Variants in SLC38A9 observed in about 807,000 individuals in gnomAD.
SLC38A9 encodes the protein neutral amino acid transporter 9.
Under a neutral mutation model 62.3 loss-of-function variants are expected in SLC38A9, and 48 were observed. The ratio of observed to expected loss-of-function variants is 0.77; its 90% CI spans 0.61 to 0.98. The LOEUF (loss-of-function observed/expected upper bound fraction) is 0.98. Ranked by LOEUF, SLC38A9 falls within the 50% of genes least tolerant of loss-of-function variation. The probability of loss-of-function intolerance (pLI) is 0.00; values close to 1 mark genes in which losing one functional copy is unlikely to be tolerated. For synonymous variants in SLC38A9, 204 were observed against 227.7 expected (o/e 0.90, Z 0.94); for missense variants, 541 against 679.8 (o/e 0.80, Z 2.27).
chr5:55,694,114 G>T (rs1755101783), intron 3 of SLC38A9: 1 of 180,746 alleles, frequency 5.5e-6, no homozygotes, highest in East Asian at 1.5e-4. Flanking sequence ...AGGCTGAAGT[G>T]GGAGGACTGC....
chr5:55,674,186 C>T (rs530865251), intron 3 of SLC38A9, among the ~76,000 whole-genome samples: 35 of 152,246 alleles, frequency 2.3e-4, no homozygotes, highest in Middle Eastern at 3.4e-3. Flanking sequence ...TTGTTCTCTA[C>T]CGCAAAACCT....
chr5:55,681,638 G>C (rs1160919265), intron 3 of SLC38A9, among the ~76,000 whole-genome samples: 2 of 152,114 alleles, frequency 1.3e-5, no homozygotes, highest in Non-Finnish European at 2.9e-5. Context: ...GAACTGTGGG[G>C]GTAGACTGAA....
At chr5:55,697,705 C>A in intron 3 of SLC38A9, 141 bp downstream of exon 3, 1 of 334,668 alleles carries the variant, frequency 3.0e-6, no homozygotes, top group Non-Finnish European at 5.3e-6. Context: ...TTCCTATTTA[C>A]TTCTCTCCAC....
At chr5:55,696,709 C>CACCT (rs1755837736) in intron 3 of SLC38A9, 1 of 33,474 alleles carries the variant, frequency 3.0e-5, no homozygotes, top group Non-Finnish European at 9.2e-5. Context: ...GCTGACCCCC[C>CACCT]CACCTCCCTC....
chr5:55,651,328 G>A (rs1392472667), intron 10 of SLC38A9, among the ~76,000 whole-genome samples: 1 of 142,822 alleles, frequency 7.0e-6, no homozygotes, highest in Non-Finnish European at 1.5e-5. Flanking sequence ...TTGGCTCACT[G>A]CAACCTCCAC....
chr5:55,709,877 C>T (rs2150749775), intron 2 of SLC38A9, among the ~76,000 whole-genome samples: 2 of 151,698 alleles, frequency 1.3e-5, no homozygotes, highest in Non-Finnish European at 2.9e-5. Flanking sequence ...CCATCCTGGC[C>T]AACATGGTGA....
intron 3 of SLC38A9, among the ~76,000 whole-genome samples, chr5:55,687,420 C>T (rs1187759820): frequency 2.2e-5 from 2 of 92,850 alleles, no homozygotes; most frequent in African/African-American, 4.8e-5. Context: ...GAACGAGACT[C>T]CGTCTCAAAA....
At chr5:55,653,618 T>C (rs1747906008) in intron 9 of SLC38A9, among the ~76,000 whole-genome samples, 2 of 151,682 alleles carry the variant, frequency 1.3e-5, no homozygotes, top group African/African-American at 4.8e-5. Flanking sequence ...AGCCTAAGAG[T>C]CCAGATGGTA....
chr5:55,638,133 T>C (rs905121781), intron 12 of SLC38A9, among the ~76,000 whole-genome samples: 4 of 152,220 alleles, frequency 2.6e-5, no homozygotes, highest in African/African-American at 9.6e-5. Context: ...GAGCTGCATA[T>C]GTGTTTTCAT....
chr5:55,629,789 C>T (rs1312752096), intron 14 of SLC38A9, among the ~76,000 whole-genome samples: 2 of 152,138 alleles, frequency 1.3e-5, no homozygotes, highest in African/African-American at 4.8e-5. Flanking sequence ...CAAATAAAAA[C>T]TAGAATTTTG....
chr5:55,652,772 AAAC>A, intron 9 of SLC38A9, 49 bp from the exon 10 acceptor site: 1 of 1,491,120 alleles, frequency 6.7e-7, no homozygotes, highest in Non-Finnish European at 9.1e-7. Flanking sequence ...AAACAAAACA[AAAC>A]AAAACAAAAA....
At position 55,649,292 on chromosome 5, in the gene SLC38A9, C is replaced by T. The variant is rs78130726; in HGVS notation, c.975G>A (p.Leu325=). ...CAGCCTTAAAGGTGACAAGGAAAATCAAATAAAGGACAGACACTGTGCCTG... is the reference window on the plus strand; with the variant it reads ...CAGCCTTAAAGGTGACAAGGAAAATTAAATAAAGGACAGACACTGTGCCTG... ...NILGTVSVLY[L]IFLVTFKAVR... is the part of the protein sequence containing the mutation. The change falls in exon 11 of 16, where the codon TTG becomes TTA. Residue 325 remains leucine (L), a synonymous_variant. Transcript: ENST00000396865. 19 of 1,606,202 alleles carry T rather than the reference C, an allele frequency of 1.2e-5. No homozygotes were observed. The highest frequency in any genetic ancestry group is 1.6e-5 in the Non-Finnish European group (19 of 1,176,698).
Position 55,626,287 on chromosome 5 carries a change from G to T in SLC38A9, c.*207C>A. On this transcript the variant is annotated 3_prime_UTR_variant, in exon 16 of 16. Coordinates refer to ENST00000396865, the MANE Select transcript of SLC38A9 (RefSeq NM_173514.4). ...AAAGAGGTGAGTTAATATGAGAAAGGTAAAGACACTAAGATCATTCTTTTT... is the reference window on the plus strand; with the variant it reads ...AAAGAGGTGAGTTAATATGAGAAAGTTAAAGACACTAAGATCATTCTTTTT... 1 of 457,208 alleles carries T rather than the reference G, an allele frequency of 2.2e-6. No individual in the cohort carries two copies. The highest frequency in any genetic ancestry group is 3.4e-5 in the East Asian group (1 of 29,412). 28.3% of individuals were successfully genotyped at this position (457,208 alleles called of 1,614,324 possible).
intron 3 of SLC38A9, chr5:55,693,120 C>T (rs1193120866): frequency 4.0e-6 from 2 of 495,208 alleles, no homozygotes; most frequent in Non-Finnish European, 2.6e-6. Flanking sequence ...GGTAGGGTTG[C>T]TGATTAATTG....
At chr5:55,673,273 A>G (rs1315690062) in intron 3 of SLC38A9, 1 of 152,214 alleles carries the variant, frequency 6.6e-6, no homozygotes, top group East Asian at 1.9e-4. Context: ...ATTTTGCCTC[A>G]TTCTACTTTT....
intron 3 of SLC38A9, among the ~76,000 whole-genome samples, chr5:55,690,300 G>A (rs12186609): frequency 0.6 from 91,121 of 151,944 alleles, 27,912 homozygotes; most frequent in South Asian, 0.7. Context: ...CCTGTATTTA[G>A]ATTTAAGGCA....
intron 1 of SLC38A9, among the ~76,000 whole-genome samples, chr5:55,711,856 A>G (rs1758091405): frequency 6.6e-6 from 1 of 151,200 alleles, no homozygotes; most frequent in East Asian, 1.9e-4. Flanking sequence ...CAATTCTCCT[A>G]CTCCCTCCTT....
At chr5:55,695,244 G>C (rs1402300131) in intron 3 of SLC38A9, among the ~76,000 whole-genome samples, 1 of 149,788 alleles carries the variant, frequency 6.7e-6, no homozygotes, top group African/African-American at 2.5e-5. Flanking sequence ...CTCTCATATA[G>C]ATTTTACACA....
intron 2 of SLC38A9, among the ~76,000 whole-genome samples, chr5:55,706,153 T>C (rs907971997): frequency 6.6e-6 from 1 of 152,172 alleles, no homozygotes; most frequent in Non-Finnish European, 1.5e-5. Flanking sequence ...AAATTTTTTG[T>C]CTCAAGGCTC....
Sources: gnomAD v4.1 joint callset for allele counts (sites outside exome capture counted in the v4.1 genomes callset) on GRCh38, gnomAD v4.1.1 for gene constraint, MANE v1.5 for transcripts, NCBI Gene and HGNC (gene_info 2026-07-23, HGNC 2026-07-21) for gene names.